Variants in DPYD observed in about 807,000 individuals in gnomAD.
The protein encoded by DPYD is dihydropyrimidine dehydrogenase [NADP(+)].
In DPYD, 109 loss-of-function variants were observed where a neutral mutation model predicts 116.2. The observed-to-expected ratio is 0.94, with a 90% confidence interval of 0.80 to 1.10. The LOEUF is 1.10. DPYD is among the 50% of genes least tolerant of loss of function. DPYD has a pLI of 0.00. For synonymous variants in DPYD, 440 were observed against 432.0 expected, an observed-to-expected ratio of 1.02 and a Z score of -0.23; for missense variants, 1,302 against 1,254.5, an observed-to-expected ratio of 1.04 and a Z score of -0.57.
At chr1:97,352,779 T>C (rs1194785539) in intron 16 of DPYD, among the ~76,000 whole-genome samples, 1 of 152,114 alleles carries the variant, frequency 6.6e-6, no homozygotes, top group Admixed American at 6.5e-5. Flanking sequence ...GAATAGTACA[T>C]ACAGTAAAGT....
At chr1:97,699,841 T>G (rs1661496324) in intron 5 of DPYD, among the ~76,000 whole-genome samples, 1 of 151,978 alleles carries the variant, frequency 6.6e-6, no homozygotes, top group Non-Finnish European at 1.5e-5. Flanking sequence ...TACAGCATAA[T>G]CTGTATGTCT....
intron 2 of DPYD, among the ~76,000 whole-genome samples, chr1:97,842,959 T>C (rs1302284195): frequency 6.6e-6 from 1 of 152,114 alleles, no homozygotes; most frequent in Non-Finnish European, 1.5e-5. Context: ...ATTTGTTAAA[T>C]CCCATCTTCT....
chr1:97,437,165 T>C (rs1329311953), intron 14 of DPYD, among the ~76,000 whole-genome samples: 2 of 151,838 alleles, frequency 1.3e-5, no homozygotes, highest in Non-Finnish European at 2.9e-5. Flanking sequence ...TCCATGTGAC[T>C]CTTTATAACT....
intron 19 of DPYD, among the ~76,000 whole-genome samples, chr1:97,225,142 T>A (rs937459585): frequency 1.3e-5 from 2 of 152,152 alleles, no homozygotes; most frequent in South Asian, 4.1e-4. Flanking sequence ...CACATCGTAG[T>A]TCTGTTTTTA....
chr1:97,909,793 T>C (rs553075945), intron 1 of DPYD, among the ~76,000 whole-genome samples: 8 of 152,230 alleles, frequency 5.3e-5, no homozygotes, highest in Admixed American at 2.6e-4. Flanking sequence ...CATCTTTATG[T>C]CAATAATTCC....
At chr1:97,591,374 A>G (rs994944104) in intron 10 of DPYD, among the ~76,000 whole-genome samples, 11 of 152,240 alleles carry the variant, frequency 7.2e-5, no homozygotes, top group African/African-American at 2.7e-4. Context: ...TACAAATTCC[A>G]TGAGGGCATG....
intron 8 of DPYD, among the ~76,000 whole-genome samples, chr1:97,661,399 G>A (rs1194555621): frequency 5.3e-5 from 8 of 152,060 alleles, no homozygotes; most frequent in Admixed American, 4.6e-4. Context: ...GAATCGAGGA[G>A]GACTGATGTT....
chr1:97,229,587 T>TAC (rs1553237979), intron 19 of DPYD, among the ~76,000 whole-genome samples: 1 of 64,680 alleles, frequency 1.5e-5, no homozygotes, highest in Non-Finnish European at 3.3e-5. Context: ...TATATATATA[T>TAC]ATACTGATTT....
intron 16 of DPYD, among the ~76,000 whole-genome samples, chr1:97,364,713 C>T (rs1223409070): frequency 6.6e-6 from 1 of 152,152 alleles, no homozygotes; most frequent in East Asian, 1.9e-4. Flanking sequence ...ATAAGCACCA[C>T]CTCGTGTTTG....
At chr1:97,087,579 A>C (rs1649606118) in intron 21 of DPYD, among the ~76,000 whole-genome samples, 1 of 152,172 alleles carries the variant, frequency 6.6e-6, no homozygotes, top group Non-Finnish European at 1.5e-5. Context: ...TATTAGTGAG[A>C]GAGTCAGATG....
chr1:97,772,829 T>C (rs1227522066), intron 3 of DPYD, among the ~76,000 whole-genome samples: 1 of 152,152 alleles, frequency 6.6e-6, no homozygotes, highest in Admixed American at 6.5e-5. Context: ...ACCTTAAAAG[T>C]AAACTTACAA....
chr1:97,267,281 T>C (rs1664300817), intron 18 of DPYD, among the ~76,000 whole-genome samples: 1 of 152,190 alleles, frequency 6.6e-6, no homozygotes, highest in South Asian at 2.1e-4. Flanking sequence ...TGATGACCAG[T>C]GATGATGAGC....
At chr1:97,111,599 T>C (rs2101624785) in intron 20 of DPYD, among the ~76,000 whole-genome samples, 1 of 152,190 alleles carries the variant, frequency 6.6e-6, no homozygotes, top group Non-Finnish European at 1.5e-5. Flanking sequence ...CCACCCAATC[T>C]AGAGTAGGCC....
intron 11 of DPYD, among the ~76,000 whole-genome samples, chr1:97,558,032 T>C (rs1035930489): frequency 6.6e-6 from 1 of 152,060 alleles, no homozygotes; most frequent in Non-Finnish European, 1.5e-5. Context: ...AAATAGACTC[T>C]CCACAGTCTC....
At chr1:97,787,296 A>G (rs1384874511) in intron 3 of DPYD, among the ~76,000 whole-genome samples, 1 of 152,228 alleles carries the variant, frequency 6.6e-6, no homozygotes. Context: ...GTAAAATGAA[A>G]TAAGTGAGAC....
At chr1:97,428,359 T>A (rs975563396) in intron 14 of DPYD, among the ~76,000 whole-genome samples, 4 of 152,158 alleles carry the variant, frequency 2.6e-5, no homozygotes, top group African/African-American at 7.2e-5. Flanking sequence ...GTCAGTTTTT[T>A]AAATCTATTT....
chr1:97,784,689 A>G (rs1347591892), intron 3 of DPYD, among the ~76,000 whole-genome samples: 1 of 152,178 alleles, frequency 6.6e-6, no homozygotes, highest in African/African-American at 2.4e-5. Flanking sequence ...TTTCCTTTTC[A>G]GACAGTCTCT....
chr1:97,591,575 C>T (rs941765944), intron 10 of DPYD, among the ~76,000 whole-genome samples: 3 of 152,132 alleles, frequency 2.0e-5, no homozygotes, highest in Admixed American at 6.6e-5. Flanking sequence ...GAAGAAATAA[C>T]CACCATTCAT....
chr1:97,406,143 G>A (rs1673643032), intron 14 of DPYD, among the ~76,000 whole-genome samples: 1 of 151,930 alleles, frequency 6.6e-6, no homozygotes, highest in Non-Finnish European at 1.5e-5. Flanking sequence ...TTCCGCTAGT[G>A]AGTCTCTGCT....
Sources: allele counts gnomAD v4.1 joint callset (sites outside exome capture counted in the v4.1 genomes callset), GRCh38; gene constraint gnomAD v4.1.1; transcripts MANE v1.5; gene names NCBI Gene and HGNC (gene_info 2026-07-23, HGNC 2026-07-21).